INTS10: variants seen among roughly 807,000 people sequenced by gnomAD.
INTS10 encodes chromosome 8 open reading frame 35.
A neutral mutation model predicts 94.4 loss-of-function variants in INTS10; 44 were observed. The ratio of observed to expected loss-of-function variants is 0.47; its 90% CI spans 0.37 to 0.60. INTS10 has a LOEUF of 0.60. Among genes scored for constraint, INTS10 ranks in the 20% least tolerant of loss-of-function variants. The probability of loss-of-function intolerance (pLI) is 0.00; values close to 1 mark genes in which losing one functional copy is unlikely to be tolerated. For synonymous variants in INTS10, 341 were observed against 320.7 expected (o/e 1.06, Z -0.68); for missense variants, 797 against 868.7 (o/e 0.92, Z 1.04).
chr8:19,820,440 A>G lies in INTS10; in HGVS notation c.363A>G (p.Gln121=). Residue 121 remains glutamine (Q), a synonymous_variant, in exon 4 of 17, where the codon CAA becomes CAG. Transcript: ENST00000397977. ...QCEMLLKVTE[Q]CFNTLERSEM... is the part of the protein sequence containing the mutation. ...AAATGTTACTAAAGGTCACGGAACA[A>G]TGCTTCAACACGTTAGAACGATCAG... The G allele has an allele frequency of 6.2e-7, 1 of 1,613,740 alleles. No homozygotes were observed.
chr8:19,823,178 AG>A (rs1415508872), intron 5 of INTS10, 122 bp from the exon 6 acceptor site: 9 of 716,672 alleles, frequency 1.3e-5, no homozygotes, highest in Non-Finnish European at 1.9e-5. Context: ...ATGAGTCATA[AG>A]GGATTTTTCC....
chr8:19,828,633 G>A (rs1353642609), intron 9 of INTS10, among the ~76,000 whole-genome samples: 4 of 152,058 alleles, frequency 2.6e-5, no homozygotes, highest in Non-Finnish European at 4.4e-5. Flanking sequence ...TAGCAGACGC[G>A]CCATGTGTGT....
chr8:19,843,930 G>A lies in INTS10; in HGVS notation c.1720-146G>A, dbSNP rs191941579. ...AGCTGTGATGTTTACCAGCCATTTC[G>A]TTGTGCCTTTGTTTCCTTCTTACTC... On this transcript the variant is annotated intron_variant, in intron 14 of 16. Coordinates refer to ENST00000397977, the MANE Select transcript of INTS10 (RefSeq NM_018142.4). The surrounding 1 kb of genome is among the most constrained non-coding windows in gnomAD (Gnocchi z 4.7). 2.8e-5 allele frequency: 16 copies of A among 579,480 alleles called. No homozygotes were observed. Among genetic ancestry groups the A allele is most frequent in the African/African-American group, 1.5e-4 (8 of 53,684 alleles). 35.9% of individuals were successfully genotyped at this position (579,480 alleles called of 1,614,324 possible).
Position 19,833,087 on chromosome 8 carries a change from C to G in INTS10, c.1378-82C>G, listed in dbSNP as rs745573180. 4.0e-6 allele frequency: 5 copies of G among 1,265,164 alleles called. No individual in the cohort carries two copies. The South Asian group carries it at 9.0e-5, about 23-fold the overall frequency. The allele number at this position is 1,265,164 out of a possible 1,614,324, so 78.4% of individuals were successfully genotyped here. ...TTGTATAGTTGCTTGCTCGTTGCTT[C>G]GTGAACCCTGGAACGGTATTTTTTA... On this transcript the variant is annotated intron_variant, in intron 11 of 16. Transcript: ENST00000397977.
chr8:19,828,670 C>G (rs1209742325), intron 9 of INTS10, among the ~76,000 whole-genome samples: 2 of 151,434 alleles, frequency 1.3e-5, no homozygotes, highest in African/African-American at 2.4e-5. Context: ...GTTGCCGTTA[C>G]TTGGCAAAGA....
intron 15 of INTS10, 138 bp from the exon 16 acceptor site, chr8:19,845,566 T>C (rs1024828133): frequency 1.5e-6 from 1 of 649,678 alleles, no homozygotes; most frequent in African/African-American, 1.8e-5. Flanking sequence ...CAAGACCCCA[T>C]TTCCTTATCA....
chr8:19,828,714 C>T (rs1056842014), intron 9 of INTS10, among the ~76,000 whole-genome samples: 14 of 148,438 alleles, frequency 9.4e-5, no homozygotes, highest in South Asian at 4.3e-4. Context: ...CTGGCAGATA[C>T]GGTTGTGGTT....
At chr8:19,826,984 C>T (rs1179997572) in intron 9 of INTS10, among the ~76,000 whole-genome samples, 1 of 152,104 alleles carries the variant, frequency 6.6e-6, no homozygotes, top group African/African-American at 2.4e-5. Flanking sequence ...GAATGGGAAG[C>T]TCTGAGGTGG....
chr8:19,827,777 G>A (rs1376141270), intron 9 of INTS10, among the ~76,000 whole-genome samples: 1 of 152,132 alleles, frequency 6.6e-6, no homozygotes, highest in Non-Finnish European at 1.5e-5. Flanking sequence ...GGTCTTAACT[G>A]ATTTTGTCCT....
At chr8:19,829,632 A>G (rs2067076092) in intron 9 of INTS10, among the ~76,000 whole-genome samples, 1 of 152,126 alleles carries the variant, frequency 6.6e-6, no homozygotes, top group Non-Finnish European at 1.5e-5. Context: ...GATAACTAAC[A>G]GTTATTCTCT....
At chr8:19,818,451 C>T in intron 2 of INTS10, 109 bp downstream of exon 2, 1 of 1,104,430 alleles carries the variant, frequency 9.1e-7, no homozygotes, top group Non-Finnish European at 1.4e-6. Context: ...TCATCTATAT[C>T]TTCGATACCT....
intron 10 of INTS10, 56 bp from the exon 11 acceptor site, chr8:19,831,972 T>C: frequency 9.8e-7 from 1 of 1,017,198 alleles, no homozygotes. Flanking sequence ...TGTTAGTTTG[T>C]TTTCTGCTTC....
Position 19,833,312 on chromosome 8 carries a change from G to T in INTS10, c.1521G>T (p.Gly507=). 1 of 1,609,212 alleles carries T rather than the reference G, an allele frequency of 6.2e-7. No homozygotes were observed. Among genetic ancestry groups the T allele is most frequent in the Non-Finnish European group, 8.5e-7 (1 of 1,177,788 alleles). The part of the protein sequence containing the change: ...IQLATCHFAL[G]EYRMTCEKVL... Reference sequence around the variant, plus strand: ...TGGCGACGTGCCACTTTGCGCTAGGGGAGTACAGAGTGAGTACTGCACACA... The same window carrying T: ...TGGCGACGTGCCACTTTGCGCTAGGTGAGTACAGAGTGAGTACTGCACACA... Residue 507 remains glycine, a synonymous_variant, in exon 12 of 17, where the codon GGG becomes GGT. Transcript: ENST00000397977.
Position 19,851,658 on chromosome 8 carries a change from T to C in INTS10, c.1986T>C (p.Thr662=), listed in dbSNP as rs775737431. 1.9e-6 allele frequency: 3 copies of C among 1,614,080 alleles called. No homozygotes were observed. The highest frequency in any genetic ancestry group is 2.2e-5 in the South Asian group (2 of 91,094). ...PNQGMLIKHH[T]VTRGITKGVK... is the part of the protein sequence containing the mutation. ...CTATTGCTGACCTCAGGCACCACACTGTAACTCGAGGCATCACCAAAGGCG... is the reference window on the plus strand; with the variant it reads ...CTATTGCTGACCTCAGGCACCACACCGTAACTCGAGGCATCACCAAAGGCG... Residue 662 remains threonine (T), a synonymous_variant, in exon 17 of 17, where the codon ACT becomes ACC. Coordinates refer to ENST00000397977, the MANE Select transcript of INTS10 (RefSeq NM_018142.4). The surrounding 1 kb of genome is among the most constrained non-coding windows in gnomAD (Gnocchi z 5.0).
At position 19,823,591 on chromosome 8, in the gene INTS10, A is replaced by C. The variant is rs572657361; in HGVS notation, c.664+150A>C. ...TGGTATCTAGAAAAAAAATACTAAA[A>C]GATGAGGCTTTTCTGGAAGCAATGC... On this transcript the variant is annotated intron_variant, in intron 6 of 16. Coordinates refer to ENST00000397977, the MANE Select transcript of INTS10 (RefSeq NM_018142.4). 7.3e-5 allele frequency: 48 copies of C among 661,618 alleles called. No individual in the cohort carries two copies. In the African/African-American group the frequency reaches 8.6e-4, roughly 12 times the overall value. The allele number at this position is 661,618 out of a possible 1,614,324, so 41.0% of individuals were successfully genotyped here. A position where few individuals can be genotyped will look rare whatever the true frequency, so the allele number is the denominator to read the frequency against.
Position 19,833,280 on chromosome 8 carries a change from A to C in INTS10, c.1489A>C (p.Ile497Leu), listed in dbSNP as rs372135666. 1.9e-6 allele frequency: 3 copies of C among 1,612,952 alleles called. No individual in the cohort carries two copies. The highest frequency in any genetic ancestry group is 2.5e-6 in the Non-Finnish European group (3 of 1,179,516). ...QGTLEHQRAL[I>L]QLATCHFALG... Reference sequence around the variant, plus strand: ...GACCCTGGAGCATCAGAGGGCGCTCATCCAGCTGGCGACGTGCCACTTTGC... The same window carrying C: ...GACCCTGGAGCATCAGAGGGCGCTCCTCCAGCTGGCGACGTGCCACTTTGC... Residue 497 changes from isoleucine (I) to leucine (L), a missense_variant, in exon 12 of 17, where the codon ATC becomes CTC. Transcript: ENST00000397977.
In INTS10 at chr8:19,830,386, TCTCC is replaced by T. The variant is rs760711921; in HGVS notation, c.1141-19_1141-16del. The T allele has an allele frequency of 6.2e-7, 1 of 1,603,026 alleles. No homozygotes were observed. Among genetic ancestry groups the T allele is most frequent in the South Asian group, 1.1e-5 (1 of 89,230 alleles). On this transcript the variant is annotated splice_polypyrimidine_tract_variant and intron_variant, in intron 9 of 16. Transcript: ENST00000397977. ...ATATTTATAACTGAATTAACCATGT[TCTCC>T]ACATTCTTTAAGCAGAGTTCAGACG... is the stretch of plus-strand genomic sequence containing the variant.
At chr8:19,822,894 A>G (rs563725589) in intron 5 of INTS10, among the ~76,000 whole-genome samples, 298 of 152,168 alleles carry the variant, frequency 2.0e-3, no homozygotes, top group Non-Finnish European at 3.1e-3. Flanking sequence ...AGGTTGCAGT[A>G]AGCCGAGATC....
rs572844556 is a variant in INTS10 at position 19,824,848 on chromosome 8, C to T, written c.882C>T (p.Tyr294=). 1.6e-5 allele frequency: 25 copies of T among 1,612,646 alleles called. No individual in the cohort carries two copies. In the South Asian group the frequency reaches 2.6e-4, roughly 17 times the overall value. ...ILHRMKDLCR[Y]MNNFDSEAHA... ...ATAGAATGAAGGATCTCTGCAGATACATGAACAACTTTGATAGTGAAGCAC... is the reference window on the plus strand; with the variant it reads ...ATAGAATGAAGGATCTCTGCAGATATATGAACAACTTTGATAGTGAAGCAC... Residue 294 remains tyrosine (Y), a synonymous_variant, in exon 8 of 17, where the codon TAC becomes TAT. Transcript: ENST00000397977.
Sources: allele counts gnomAD v4.1 joint callset (sites outside exome capture counted in the v4.1 genomes callset), GRCh38; gene constraint gnomAD v4.1.1; non-coding constraint Gnocchi (gnomAD v3.1); transcripts MANE v1.5; gene names NCBI Gene and HGNC (gene_info 2026-07-23, HGNC 2026-07-21).